The following CORO2B variants were observed in gnomAD, a reference collection of about 807,000 sequenced individuals.
The protein encoded by CORO2B is coronin-2B.
In CORO2B, 26 loss-of-function variants were observed where a neutral mutation model predicts 58.8. That is an observed-to-expected ratio of 0.44 (90% CI 0.32 to 0.61). The LOEUF (loss-of-function observed/expected upper bound fraction) is 0.61. Among genes scored for constraint, CORO2B ranks in the 20% least tolerant of loss-of-function variants. The probability of loss-of-function intolerance (pLI) is 0.04; values close to 1 mark genes in which losing one functional copy is unlikely to be tolerated. For synonymous variants in CORO2B, 242 were observed against 253.8 expected, an observed-to-expected ratio of 0.95 and a Z score of 0.44; for missense variants, 460 against 645.1, an observed-to-expected ratio of 0.71 and a Z score of 3.11.
At chr15:68,716,421 T>C (rs1230986727) in intron 8 of CORO2B, among the ~76,000 whole-genome samples, 1 of 152,226 alleles carries the variant, frequency 6.6e-6, no homozygotes, top group East Asian at 1.9e-4. Flanking sequence ...CTCCTTCACA[T>C]AGTTGTTCAA....
chr15:68,601,284 G>T (rs1899975214), intron 1 of CORO2B, among the ~76,000 whole-genome samples: 1 of 152,216 alleles, frequency 6.6e-6, no homozygotes, highest in Admixed American at 6.5e-5. Context: ...ACTGCCGCTG[G>T]GCTCCAGGGC....
At chr15:68,634,818 C>A (rs778287774) in intron 1 of CORO2B, among the ~76,000 whole-genome samples, 1 of 152,186 alleles carries the variant, frequency 6.6e-6, no homozygotes, top group East Asian at 1.9e-4. Context: ...GGACCACCAC[C>A]GTGTTCAACC....
At chr15:68,651,902 T>A (rs536011036) in intron 2 of CORO2B, among the ~76,000 whole-genome samples, 42 of 152,320 alleles carry the variant, frequency 2.8e-4, no homozygotes, top group African/African-American at 9.9e-4. Context: ...TAAAAATTCT[T>A]CTGCAGAGTA....
chr15:68,646,434 C>G (rs532032508), intron 2 of CORO2B, among the ~76,000 whole-genome samples: 1 of 152,280 alleles, frequency 6.6e-6, no homozygotes, highest in Admixed American at 6.5e-5. Context: ...AATTCACTGT[C>G]AGCTGGTGGT....
chr15:68,583,866 G>A (rs963989485), intron 1 of CORO2B, among the ~76,000 whole-genome samples: 2 of 152,180 alleles, frequency 1.3e-5, no homozygotes, highest in Non-Finnish European at 2.9e-5. Flanking sequence ...CCCAGCTCCC[G>A]GGTGGGAGCC....
At position 68,678,308 on chromosome 15, in the gene CORO2B, G is replaced by A. The variant is rs972662143; in HGVS notation, c.217-16832G>A. 2.0e-5 allele frequency among the ~76,000 whole-genome samples: 3 copies of A among 152,318 alleles called. No individual in the cohort carries two copies. In the East Asian group the frequency reaches 5.8e-4, roughly 29 times the overall value. On this transcript the variant is annotated intron_variant, in intron 2 of 11. Transcript: ENST00000261861. Reference sequence around the variant, plus strand: ...GAGGAGGAGGAATTCCCCAATTTCTGTGTCAGTGTGAGCCCTTTCTCCCCT... The same window carrying A: ...GAGGAGGAGGAATTCCCCAATTTCTATGTCAGTGTGAGCCCTTTCTCCCCT...
chr15:68,615,301 G>T lies in CORO2B; in HGVS notation c.16-29859G>T, dbSNP rs527764394. On this transcript the variant is annotated intron_variant, in intron 1 of 11. Coordinates refer to ENST00000261861, the MANE Select transcript of CORO2B (RefSeq NM_006091.5). Reference sequence around the variant, plus strand: ...AATGTCATCCTTTCTAATCAAAGTGGACAGAGAATCAGTCATTTTCCCTGG... The same window carrying T: ...AATGTCATCCTTTCTAATCAAAGTGTACAGAGAATCAGTCATTTTCCCTGG... Among the ~76,000 whole-genome samples, 13 of 152,270 alleles carry T rather than the reference G, an allele frequency of 8.5e-5. No homozygotes were observed. The South Asian group carries it at 2.5e-3, about 29-fold the overall frequency.
Position 68,715,546 on chromosome 15 carries a change from C to CACA in CORO2B, c.967+235_967+236insACA, listed in dbSNP as rs747815373. 1.2e-3 allele frequency among the ~76,000 whole-genome samples: 182 copies of CACA among 152,378 alleles called. 1 individual carries two copies. Among genetic ancestry groups the CACA allele is most frequent in the Non-Finnish European group, 2.2e-3 (150 of 68,036 alleles). The stretch of plus-strand genomic sequence containing the variant: ...ATCAGCGGCAGCTTGCCAGCATGTG[C>CACA]TCTGCGTCTGCACTCCTGATCGCAG... On this transcript the variant is annotated intron_variant, in intron 8 of 11. Coordinates refer to ENST00000261861, the MANE Select transcript of CORO2B (RefSeq NM_006091.5).
intron 1 of CORO2B, among the ~76,000 whole-genome samples, chr15:68,642,702 G>A (rs1901293865): frequency 6.6e-6 from 1 of 152,184 alleles, no homozygotes. Flanking sequence ...CCCCCAGGAT[G>A]GAAGAGGCTA....
the CORO2B span, among the ~76,000 whole-genome samples, chr15:68,518,785 A>C: frequency 6.6e-6 from 1 of 152,102 alleles, no homozygotes; most frequent in Non-Finnish European, 1.5e-5. Context: ...GCTGAAGGAA[A>C]GAGGGTCCTT....
intron 2 of CORO2B, among the ~76,000 whole-genome samples, chr15:68,654,294 CA>C (rs1393227307): frequency 6.6e-6 from 1 of 152,354 alleles, no homozygotes; most frequent in East Asian, 1.9e-4. Context: ...GCCAGAGATG[CA>C]GCCTGGCTAG....
At chr15:68,696,321 G>A (rs1892509537) in intron 3 of CORO2B, among the ~76,000 whole-genome samples, 1 of 151,940 alleles carries the variant, frequency 6.6e-6, no homozygotes, top group African/African-American at 2.4e-5. Flanking sequence ...GGCTGAGGCA[G>A]GTGGATCATT....
intron 1 of CORO2B, among the ~76,000 whole-genome samples, chr15:68,619,467 G>A (rs1161008859): frequency 6.6e-6 from 1 of 152,092 alleles, no homozygotes; most frequent in East Asian, 1.9e-4. Context: ...CATCCCCTGG[G>A]GCTTCTGTCG....
chr15:68,687,543 C>A (rs879342872), intron 2 of CORO2B, among the ~76,000 whole-genome samples: 5 of 152,136 alleles, frequency 3.3e-5, no homozygotes, highest in Non-Finnish European at 5.9e-5. Flanking sequence ...AAGGGAGGGC[C>A]CGGCCATGGC....
intron 2 of CORO2B, among the ~76,000 whole-genome samples, chr15:68,647,262 C>T (rs74858155): frequency 0.045 from 6,821 of 152,238 alleles, 480 homozygotes; most frequent in African/African-American, 0.15. Context: ...TTTTAAAAGA[C>T]AGTTTCTGTA....
intron 1 of CORO2B, among the ~76,000 whole-genome samples, chr15:68,588,474 G>A (rs1899622095): frequency 6.6e-6 from 1 of 152,192 alleles, no homozygotes; most frequent in Non-Finnish European, 1.5e-5. Flanking sequence ...ACCTTGATCT[G>A]TATTATCCCG....
At chr15:68,530,327 AAATAAT>A in the CORO2B span, among the ~76,000 whole-genome samples, 1 of 151,906 alleles carries the variant, frequency 6.6e-6, no homozygotes, top group African/African-American at 2.4e-5. Context: ...TCTGTCTCAA[AAATAAT>A]AATAATAATA....
the CORO2B span, among the ~76,000 whole-genome samples, chr15:68,561,791 C>T: frequency 6.6e-6 from 1 of 152,074 alleles, no homozygotes; most frequent in South Asian, 2.1e-4. Context: ...AGCATGTTTC[C>T]GTGGGTCTGA....
intron 1 of CORO2B, among the ~76,000 whole-genome samples, chr15:68,634,057 G>A (rs987422219): frequency 6.6e-6 from 1 of 152,216 alleles, no homozygotes; most frequent in African/African-American, 2.4e-5. Flanking sequence ...GCATCTCCCC[G>A]GCTCAGCCTT....
Sources: gnomAD v4.1 joint callset for allele counts (sites outside exome capture counted in the v4.1 genomes callset) on GRCh38, gnomAD v4.1.1 for gene constraint, MANE v1.5 for transcripts, NCBI Gene and HGNC (gene_info 2026-07-23, HGNC 2026-07-21) for gene names.